LRIG1: variants seen among roughly 807,000 people sequenced by gnomAD.
LRIG1 encodes the protein leucine-rich repeats and immunoglobulin-like domains protein 1.
LRIG1 carries 48 observed loss-of-function variants against 99.2 expected under a neutral mutation model. That is an observed-to-expected ratio of 0.48 (90% CI 0.38 to 0.62). LRIG1 has a LOEUF of 0.62. Among genes scored for constraint, LRIG1 ranks in the 20% least tolerant of loss-of-function variants. LRIG1 has a pLI of 0.00. For missense variants in LRIG1, 1,646 were observed against 1,434.4 expected, an observed-to-expected ratio of 1.15 and a Z score of -2.38; for synonymous variants, 772 against 596.1, an observed-to-expected ratio of 1.29 and a Z score of -4.30.
chr3:66,417,324 A>C, intron 3 of LRIG1, 58 bp from the exon 4 acceptor site: 1 of 1,571,840 alleles, frequency 6.4e-7, no homozygotes, highest in Non-Finnish European at 8.7e-7. Context: ...AACTACAAGA[A>C]ACTAGTATTC....
intron 5 of LRIG1, among the ~76,000 whole-genome samples, chr3:66,414,454 T>C (rs1346517040): frequency 1.3e-5 from 2 of 151,774 alleles, no homozygotes; most frequent in Admixed American, 1.3e-4. Context: ...CCTTGTAAGA[T>C]TAAAGATATG....
At chr3:66,412,757 A>G in intron 6 of LRIG1, 114 bp downstream of exon 6, 1 of 1,275,378 alleles carries the variant, frequency 7.8e-7, no homozygotes. Flanking sequence ...CACACACCCA[A>G]CACACAGCAA....
intron 14 of LRIG1, 43 bp downstream of exon 14, chr3:66,383,948 T>TCACACTCACACACACACA: frequency 6.6e-7 from 1 of 1,520,814 alleles, no homozygotes; most frequent in Non-Finnish European, 9.0e-7. Flanking sequence ...TCTCTCTCGC[T>TCACACTCACACACACACA]CACACACACA....
chr3:66,459,541 C>A (rs1700309686), intron 2 of LRIG1, among the ~76,000 whole-genome samples: 1 of 152,214 alleles, frequency 6.6e-6, no homozygotes, highest in Non-Finnish European at 1.5e-5. Flanking sequence ...CCTTCCTGAT[C>A]ACACTGTTTC....
chr3:66,499,626 C>T (rs1265375786), intron 1 of LRIG1, among the ~76,000 whole-genome samples: 6 of 152,174 alleles, frequency 3.9e-5, no homozygotes, highest in Admixed American at 2.0e-4. Context: ...GTCAGGCCAC[C>T]ACGGTCTTCG....
intron 1 of LRIG1, among the ~76,000 whole-genome samples, chr3:66,477,627 A>G (rs1386723678): frequency 1.3e-5 from 2 of 152,200 alleles, no homozygotes; most frequent in African/African-American, 4.8e-5. Context: ...TACTTCAGTC[A>G]TCCTCAAAAA....
At chr3:66,401,639 G>A (rs761370901) in intron 9 of LRIG1, 13 of 1,530,844 alleles carry the variant, frequency 8.5e-6, no homozygotes, top group East Asian at 2.5e-5. Context: ...GGGCTGGGAC[G>A]GGGAGCTGCA....
intron 3 of LRIG1, among the ~76,000 whole-genome samples, chr3:66,426,525 T>C (rs1702985508): frequency 6.6e-6 from 1 of 152,224 alleles, no homozygotes; most frequent in African/African-American, 2.4e-5. Context: ...AGGAAATACC[T>C]CTTAACTGCA....
intron 3 of LRIG1, among the ~76,000 whole-genome samples, chr3:66,437,918 A>G (rs1234752210): frequency 5.9e-5 from 9 of 152,216 alleles, no homozygotes; most frequent in Non-Finnish European, 4.4e-5. Context: ...TTCCTTACGC[A>G]CAATTTAGAG....
At chr3:66,485,605 T>C (rs1490532909) in intron 1 of LRIG1, among the ~76,000 whole-genome samples, 1 of 152,202 alleles carries the variant, frequency 6.6e-6, no homozygotes, top group Admixed American at 6.5e-5. Context: ...AACCCAAGGA[T>C]ACTTTACTGT....
chr3:66,393,924 C>T, intron 12 of LRIG1, 116 bp downstream of exon 12: 3 of 1,102,264 alleles, frequency 2.7e-6, no homozygotes, highest in Non-Finnish European at 4.0e-6. Flanking sequence ...AGCAGCTGAT[C>T]TGTAACCACG....
chr3:66,383,099 T>C lies in LRIG1; in HGVS notation c.2374A>G (p.Thr792Ala). The C allele has an allele frequency of 1.2e-6, 2 of 1,614,244 alleles. No homozygotes were observed. The highest frequency in any genetic ancestry group is 1.7e-6 in the Non-Finnish European group (2 of 1,180,032). ...PAAGCRKDGT[T>A]VGIFTIAVVS... is the part of the protein sequence containing the mutation. ...ACAGCAATGGTGAAGATGCCTACCG[T>C]GGTCCCATCCTTCCTGCAGCCTGCT... The change falls in exon 15 of 19, where the codon ACG (threonine) becomes GCG (alanine). Residue 792 changes from threonine to alanine, a missense_variant. Coordinates refer to ENST00000273261, the MANE Select transcript of LRIG1 (RefSeq NM_015541.3).
intron 1 of LRIG1, among the ~76,000 whole-genome samples, chr3:66,472,255 G>C (rs1575718261): frequency 8.3e-6 from 1 of 120,306 alleles, no homozygotes; most frequent in South Asian, 2.8e-4. Context: ...AGTGAGCCGA[G>C]ATCACACTAC....
rs377466370 is a variant in LRIG1, at chr3:66,405,254, C to T, written c.1104G>A (p.Ser368=). Residue 368 remains serine, a synonymous_variant, in exon 9 of 19, where the codon TCG becomes TCA. Transcript: ENST00000273261. ...CGCCGCTCGTGTCCTCTATTGTGCC[C>T]GAAATCTCGTTATGGTCCAGATCCC... ...RVLDLDHNEI[S]GTIEDTSGAF... is the part of the protein sequence containing the mutation. 79 of 1,614,010 alleles carry T rather than the reference C, an allele frequency of 4.9e-5. No individual in the cohort carries two copies. The highest frequency in any genetic ancestry group is 6.4e-5 in the Non-Finnish European group (75 of 1,180,010).
chr3:66,490,958 T>A (rs555549652), intron 1 of LRIG1, among the ~76,000 whole-genome samples: 35 of 152,302 alleles, frequency 2.3e-4, no homozygotes, highest in African/African-American at 6.5e-4. Flanking sequence ...AGAAGCCCCC[T>A]CACCAACAAA....
chr3:66,381,951 G>A (rs530735124), intron 16 of LRIG1, among the ~76,000 whole-genome samples: 4 of 150,570 alleles, frequency 2.7e-5, no homozygotes, highest in South Asian at 2.1e-4. Flanking sequence ...ACCTGGGCAC[G>A]TTCCCCATGT....
intron 15 of LRIG1, 135 bp from the exon 16 acceptor site, chr3:66,382,533 C>A: frequency 1.9e-6 from 2 of 1,030,682 alleles, no homozygotes; most frequent in South Asian, 1.4e-5. Flanking sequence ...GACATGGAGT[C>A]CATGTACGCA....
intron 3 of LRIG1, among the ~76,000 whole-genome samples, chr3:66,441,561 C>T (rs1703540068): frequency 6.6e-6 from 1 of 152,188 alleles, no homozygotes; most frequent in Admixed American, 6.5e-5. Flanking sequence ...AAAGCAAGTT[C>T]ACCTCGGGTC....
At chr3:66,467,383 T>C (rs1475344560) in intron 1 of LRIG1, among the ~76,000 whole-genome samples, 1 of 139,324 alleles carries the variant, frequency 7.2e-6, no homozygotes, top group Non-Finnish European at 1.5e-5. Context: ...TTTTTTGAGA[T>C]GGAGTCTCGC....
Sources: gnomAD v4.1 joint callset for allele counts (sites outside exome capture counted in the v4.1 genomes callset) on GRCh38, gnomAD v4.1.1 for gene constraint, MANE v1.5 for transcripts, NCBI Gene and HGNC (gene_info 2026-07-23, HGNC 2026-07-21) for gene names.